BICC1: variants seen among roughly 807,000 people sequenced by gnomAD.
The protein encoded by BICC1 is BicC family RNA binding protein 1, also known as protein bicaudal C homolog 1.
In BICC1, 43 loss-of-function variants were observed where a neutral mutation model predicts 111.0. The observed-to-expected ratio is 0.39, with a 90% CI of 0.30 to 0.50. The LOEUF (loss-of-function observed/expected upper bound fraction) is 0.50. Among genes scored for constraint, BICC1 ranks in the 20% least tolerant of loss-of-function variants. The probability of loss-of-function intolerance (pLI) is 0.88; values close to 1 mark genes in which losing one functional copy is unlikely to be tolerated. For missense variants in BICC1, 1,091 were observed against 1,203.2 expected (o/e 0.91, Z 1.38); for synonymous variants, 467 against 434.4 (o/e 1.07, Z -0.93).
intron 3 of BICC1, among the ~76,000 whole-genome samples, chr10:58,705,869 G>A (rs1840371853): frequency 6.6e-6 from 1 of 152,076 alleles, no homozygotes. Flanking sequence ...AACATCTCTA[G>A]AGTATTTGAA....
In BICC1 at chr10:58,756,124, A is replaced by T. The variant is rs572322094; in HGVS notation, c.308-28877A>T. On this transcript the variant is annotated intron_variant, in intron 3 of 20. Coordinates refer to ENST00000373886, the MANE Select transcript of BICC1 (RefSeq NM_001080512.3). ...GGATGTGTTGTATCTATTCCTTTGA[A>T]AAACGTTGCTCTTTTGTAACATGAC... Among the ~76,000 whole-genome samples, 7 of 152,228 alleles carry T rather than the reference A, an allele frequency of 4.6e-5. No homozygotes were observed. The East Asian group carries it at 1.4e-3, about 29-fold the overall frequency.
intron 2 of BICC1, among the ~76,000 whole-genome samples, chr10:58,632,562 A>G (rs1837827911): frequency 6.6e-6 from 1 of 151,878 alleles, no homozygotes; most frequent in Admixed American, 6.6e-5. Flanking sequence ...CTTGGGAGAA[A>G]GTGTTTGAGG....
At chr10:58,817,824 G>A (rs1844142880) in intron 19 of BICC1, 102 bp downstream of exon 19, 6 of 1,196,988 alleles carry the variant, frequency 5.0e-6, no homozygotes, top group Admixed American at 2.8e-5. Context: ...CTTTCACTGA[G>A]CATTTATTCA....
At chr10:58,685,982 C>T (rs140406237) in intron 2 of BICC1, among the ~76,000 whole-genome samples, 1,735 of 152,232 alleles carry the variant, frequency 0.011, 35 homozygotes, top group African/African-American at 0.037. Context: ...CAATTTGGCA[C>T]GTTTCTGCAG....
intron 6 of BICC1, among the ~76,000 whole-genome samples, chr10:58,788,743 C>T (rs1843085745): frequency 6.6e-6 from 1 of 152,248 alleles, no homozygotes; most frequent in African/African-American, 2.4e-5. Flanking sequence ...ATGCCACAGG[C>T]AATGTGAGTT....
chr10:58,705,718 A>C (rs1840367471), intron 3 of BICC1, among the ~76,000 whole-genome samples: 1 of 152,354 alleles, frequency 6.6e-6, no homozygotes, highest in East Asian at 1.9e-4. Flanking sequence ...TTAATTTTAG[A>C]TTCAGGGGTA....
chr10:58,696,332 GA>G (rs1840063999), intron 2 of BICC1, among the ~76,000 whole-genome samples: 1 of 151,702 alleles, frequency 6.6e-6, no homozygotes, highest in South Asian at 2.1e-4. Context: ...TTTTGCAGAT[GA>G]AATATAAAAA....
intron 2 of BICC1, among the ~76,000 whole-genome samples, chr10:58,655,817 G>T (rs1242844568): frequency 4.8e-5 from 7 of 146,036 alleles, no homozygotes; most frequent in African/African-American, 1.0e-4. Flanking sequence ...ATTGGCTGTG[G>T]GTTTGTCATA....
chr10:58,524,269 T>C (rs1454301778), intron 1 of BICC1, among the ~76,000 whole-genome samples: 1 of 152,176 alleles, frequency 6.6e-6, no homozygotes, highest in East Asian at 1.9e-4. Flanking sequence ...AGAACAAAGC[T>C]GGAGGCACCA....
chr10:58,614,352 A>T (rs562550060), intron 1 of BICC1, among the ~76,000 whole-genome samples: 1 of 152,122 alleles, frequency 6.6e-6, no homozygotes, highest in African/African-American at 2.4e-5. Context: ...CTAACCAACA[A>T]CTCATCAGCA....
rs761629529 is a variant in BICC1 at position 58,793,543 on chromosome 10, A to G, written c.1107A>G (p.Gln369=). 6 of 1,613,468 alleles carry G rather than the reference A, an allele frequency of 3.7e-6. No individual in the cohort carries two copies. The Admixed American group carries it at 6.7e-5, about 18-fold the overall frequency. Residue 369 remains glutamine (Q), a synonymous_variant, in exon 9 of 21, where the codon CAA becomes CAG. Coordinates refer to ENST00000373886, the MANE Select transcript of BICC1 (RefSeq NM_001080512.3). ...DMKEEIEVDP[Q]FIAQLMEQLD... is the part of the protein sequence containing the mutation. The stretch of plus-strand genomic sequence containing the variant: ...AGGAAGAAATTGAAGTAGATCCACA[A>G]TTCATTGCGCAGTTGATGGAACAGC...
At chr10:58,593,095 C>G (rs892353562) in intron 1 of BICC1, among the ~76,000 whole-genome samples, 2 of 151,928 alleles carry the variant, frequency 1.3e-5, no homozygotes, top group Non-Finnish European at 2.9e-5. Context: ...CTTGAGTAGA[C>G]TGTTTTACAC....
chr10:58,787,765 T>TA (rs1843054356), intron 5 of BICC1, among the ~76,000 whole-genome samples: 1 of 152,082 alleles, frequency 6.6e-6, no homozygotes, highest in Admixed American at 6.6e-5. Context: ...AAAGCTATAG[T>TA]AAAAAGCAAA....
intron 19 of BICC1, among the ~76,000 whole-genome samples, chr10:58,819,308 A>G (rs1203708369): frequency 6.6e-6 from 1 of 152,204 alleles, no homozygotes; most frequent in Non-Finnish European, 1.5e-5. Context: ...GTGATAAATG[A>G]TGGCCTAAGG....
At chr10:58,640,871 C>G (rs1838101932) in intron 2 of BICC1, among the ~76,000 whole-genome samples, 1 of 152,128 alleles carries the variant, frequency 6.6e-6, no homozygotes, top group African/African-American at 2.4e-5. Context: ...AATTTTTAAA[C>G]AAAATAATTT....
intron 2 of BICC1, among the ~76,000 whole-genome samples, chr10:58,663,511 G>T (rs1204777524): frequency 6.6e-6 from 1 of 152,190 alleles, no homozygotes; most frequent in African/African-American, 2.4e-5. Context: ...GTATCGGCCT[G>T]TTAGGAATTG....
intron 3 of BICC1, among the ~76,000 whole-genome samples, chr10:58,705,428 G>A (rs1432142559): frequency 6.6e-6 from 1 of 152,150 alleles, no homozygotes; most frequent in African/African-American, 2.4e-5. Context: ...AGTTAATGTG[G>A]ATTAGTTTAG....
chr10:58,603,981 G>A (rs1031512297), intron 1 of BICC1, among the ~76,000 whole-genome samples: 1 of 152,146 alleles, frequency 6.6e-6, no homozygotes, highest in Non-Finnish European at 1.5e-5. Context: ...CTTCAAATAA[G>A]TTCAGATCTA....
chr10:58,824,483 A>C (rs373463662), intron 20 of BICC1, among the ~76,000 whole-genome samples: 7 of 152,262 alleles, frequency 4.6e-5, no homozygotes, highest in Middle Eastern at 6.8e-3. Context: ...TACATTTTGG[A>C]AGGCAGTGGG....
Sources: allele counts gnomAD v4.1 joint callset (sites outside exome capture counted in the v4.1 genomes callset), GRCh38; gene constraint gnomAD v4.1.1; transcripts MANE v1.5; gene names NCBI Gene and HGNC (gene_info 2026-07-23, HGNC 2026-07-21).